The following FAM53A variants were observed in gnomAD, a reference collection of about 807,000 sequenced individuals.
FAM53A encodes family with sequence similarity 53 member A.
In FAM53A, 28 loss-of-function variants were observed where a neutral mutation model predicts 26.6. That is an observed-to-expected ratio of 1.05 (90% CI 0.78 to 1.45). The LOEUF is 1.45. Ranked by LOEUF, FAM53A falls within the 40% of genes most tolerant of loss-of-function variation. FAM53A has a pLI of 0.00. For missense variants in FAM53A, 650 were observed against 575.8 expected (o/e 1.13, Z -1.32); for synonymous variants, 290 against 253.1 (o/e 1.15, Z -1.38).
intron 1 of FAM53A, among the ~76,000 whole-genome samples, chr4:1,678,329 C>A (rs1294648751): frequency 6.6e-6 from 1 of 152,134 alleles, no homozygotes. Flanking sequence ...GGTGACAGAG[C>A]AAGACCCTGT....
chr4:1,621,547 G>A (rs891047799), intron 1 of FAM53A, among the ~76,000 whole-genome samples: 10 of 152,164 alleles, frequency 6.6e-5, no homozygotes, highest in African/African-American at 1.9e-4. Context: ...GTGGGGGACA[G>A]TGGGGTGGAT....
rs1392945890 is a variant in FAM53A at position 1,641,027 on chromosome 4, GC to G, written c.*265del. The G allele has an allele frequency of 2.0e-6, 1 of 498,164 alleles. No homozygotes were observed. Among genetic ancestry groups the G allele is most frequent in the Non-Finnish European group, 3.5e-6 (1 of 283,234 alleles). The allele number at this position is 498,164 out of a possible 1,614,324, so 30.9% of individuals were successfully genotyped here. A position where few individuals can be genotyped will look rare whatever the true frequency, so the allele number is the denominator to read the frequency against. ...AGGGCAGGTGCCGGTGGCAGCCGTG[GC>G]CCCGACCAGCTCACAGGAAACCTAC... On this transcript the variant is annotated 3_prime_UTR_variant, in exon 5 of 5. Transcript: ENST00000308132.
At chr4:1,608,638 G>A in the FAM53A span, among the ~76,000 whole-genome samples, 3 of 152,054 alleles carry the variant, frequency 2.0e-5, no homozygotes, top group African/African-American at 7.3e-5. Flanking sequence ...GGGTCCTGCA[G>A]CCGCTACACA....
intron 2 of FAM53A, among the ~76,000 whole-genome samples, chr4:1,658,745 C>A (rs555542260): frequency 6.6e-6 from 1 of 152,266 alleles, no homozygotes; most frequent in South Asian, 2.1e-4. Context: ...ACGCACTGGC[C>A]CGTGCAGGCG....
chr4:1,629,486 T>G (rs562348144), intron 1 of FAM53A, among the ~76,000 whole-genome samples: 1 of 152,308 alleles, frequency 6.6e-6, no homozygotes, highest in East Asian at 1.9e-4. Context: ...GTAGGAGACA[T>G]GTCCGTCCTG....
At chr4:1,657,531 C>G in intron 2 of FAM53A, 63 bp from the exon 3 acceptor site, 1 of 1,381,602 alleles carries the variant, frequency 7.2e-7, no homozygotes, top group East Asian at 2.3e-5. Flanking sequence ...ATAATATCCC[C>G]CATTTTCATC....
the FAM53A span, among the ~76,000 whole-genome samples, chr4:1,591,631 G>T: frequency 6.6e-6 from 1 of 152,350 alleles, no homozygotes; most frequent in Middle Eastern, 3.4e-3. Context: ...GTAGGTCCTG[G>T]TTCCTTCTGA....
chr4:1,660,816 G>C (rs1014837633), intron 2 of FAM53A, among the ~76,000 whole-genome samples: 11 of 151,716 alleles, frequency 7.3e-5, no homozygotes, highest in African/African-American at 2.2e-4. Context: ...GTGAGGCAGA[G>C]CTTGCAGTGA....
intron 4 of FAM53A, among the ~76,000 whole-genome samples, chr4:1,649,158 A>AGGGAAG (rs1468676080): frequency 3.7e-5 from 3 of 81,970 alleles, no homozygotes; most frequent in South Asian, 5.2e-4. Flanking sequence ...GGAAGGGGAA[A>AGGGAAG]GGGAAGGGGA....
chr4:1,680,916 C>G (rs1014600710), intron 1 of FAM53A, among the ~76,000 whole-genome samples: 1 of 152,172 alleles, frequency 6.6e-6, no homozygotes, highest in Non-Finnish European at 1.5e-5. Flanking sequence ...GGTCATTACA[C>G]ATTTGTCTAA....
At position 1,657,427 on chromosome 4, in the gene FAM53A, C is replaced by T. The variant is rs1412497343; in HGVS notation, c.117G>A (p.Leu39=). The T allele has an allele frequency of 3.7e-6, 6 of 1,613,692 alleles. No individual in the cohort carries two copies. The highest frequency in any genetic ancestry group is 3.3e-5 in the Admixed American group (2 of 59,950). ...GCTCACCGTTGAGCTCCAAAGGGAA[C>T]AGACGACCGCTCTTGTTCAGGGTTT... The part of the protein sequence containing the change: ...SAETLNKSGR[L]FPLELNDQSP... The change falls in exon 3 of 5, where the codon CTG becomes CTA. Residue 39 remains leucine, a synonymous_variant. Coordinates refer to ENST00000308132, the MANE Select transcript of FAM53A (RefSeq NM_001174070.3).
intron 1 of FAM53A, among the ~76,000 whole-genome samples, chr4:1,623,617 C>T (rs1280433867): frequency 7.9e-5 from 12 of 152,208 alleles, no homozygotes; most frequent in Admixed American, 7.2e-4. Flanking sequence ...AAGTGCCATC[C>T]GTCAGCAGAC....
At chr4:1,607,800 C>T in the FAM53A span, among the ~76,000 whole-genome samples, 17 of 152,096 alleles carry the variant, frequency 1.1e-4, no homozygotes, top group African/African-American at 2.9e-4. Flanking sequence ...ATTAGCTGGG[C>T]GTGGAGGCGT....
intron 1 of FAM53A, among the ~76,000 whole-genome samples, chr4:1,622,932 G>A (rs909382284): frequency 8.5e-5 from 13 of 152,250 alleles, no homozygotes; most frequent in African/African-American, 2.4e-4. Flanking sequence ...TGAACCTCAC[G>A]CTTTGCCTGG....
At chr4:1,670,527 C>T (rs535703949) in intron 1 of FAM53A, among the ~76,000 whole-genome samples, 1 of 152,348 alleles carries the variant, frequency 6.6e-6, no homozygotes, top group African/African-American at 2.4e-5. Flanking sequence ...CTGTTCCAGG[C>T]CAGGGGACAC....
chr4:1,647,710 T>C (rs57547762), intron 4 of FAM53A, among the ~76,000 whole-genome samples: 1,962 of 152,094 alleles, frequency 0.013, 38 homozygotes, highest in African/African-American at 0.045. Context: ...CATGCAGCGG[T>C]GCACATGAGT....
intron 1 of FAM53A, among the ~76,000 whole-genome samples, chr4:1,619,442 G>T (rs1035691519): frequency 1.3e-5 from 2 of 152,222 alleles, no homozygotes; most frequent in African/African-American, 4.8e-5. Context: ...CCAGCTCGGC[G>T]TCTCTGGGGT....
At chr4:1,595,344 G>T in the FAM53A span, among the ~76,000 whole-genome samples, 1 of 152,208 alleles carries the variant, frequency 6.6e-6, no homozygotes, top group Non-Finnish European at 1.5e-5. Context: ...GCCAGGACAG[G>T]CTCCCCACAT....
chr4:1,602,406 C>A, the FAM53A span, among the ~76,000 whole-genome samples: 1 of 152,174 alleles, frequency 6.6e-6, no homozygotes, highest in Non-Finnish European at 1.5e-5. Context: ...GGGTCTCTGG[C>A]CCACACAAAG....
Sources: allele counts gnomAD v4.1 joint callset (sites outside exome capture counted in the v4.1 genomes callset), GRCh38; gene constraint gnomAD v4.1.1; transcripts MANE v1.5; gene names NCBI Gene and HGNC (gene_info 2026-07-23, HGNC 2026-07-21).